Variants in EPHB1 observed in about 807,000 individuals in gnomAD.
The protein encoded by EPHB1 is EPH receptor B1.
A neutral mutation model predicts 94.4 loss-of-function variants in EPHB1; 30 were observed. The observed-to-expected ratio is 0.32, with a 90% CI of 0.24 to 0.43. EPHB1 has a LOEUF of 0.43. EPHB1 is among the 20% of genes least tolerant of loss of function. The probability of loss-of-function intolerance (pLI) is 1.00; values close to 1 mark genes in which losing one functional copy is unlikely to be tolerated. For missense variants in EPHB1, 1,055 were observed against 1,308.3 expected, an observed-to-expected ratio of 0.81 and a Z score of 2.99; for synonymous variants, 522 against 489.1, an observed-to-expected ratio of 1.07 and a Z score of -0.89.
chr3:134,833,293 C>G (rs1241884537), intron 1 of EPHB1, among the ~76,000 whole-genome samples: 1 of 152,204 alleles, frequency 6.6e-6, no homozygotes, highest in Admixed American at 6.5e-5. Flanking sequence ...TCCCCAGGCC[C>G]TCTGCTTTGA....
At position 135,143,207 on chromosome 3, in the gene EPHB1, C is replaced by T. The variant is rs1176491373; in HGVS notation, c.1297+10158C>T. 2.0e-5 allele frequency among the ~76,000 whole-genome samples: 3 copies of T among 152,030 alleles called. No homozygotes were observed. In the East Asian group the frequency reaches 5.8e-4, roughly 29 times the overall value. ...CAGTAGTCAGTGGGAAAGTCAGAATCAAGAAGAGGCCCACAACTCCATGGG... is the reference window on the plus strand; with the variant it reads ...CAGTAGTCAGTGGGAAAGTCAGAATTAAGAAGAGGCCCACAACTCCATGGG... On this transcript the variant is annotated intron_variant, in intron 5 of 15. Coordinates refer to ENST00000398015, the MANE Select transcript of EPHB1 (RefSeq NM_004441.5).
At chr3:135,147,314 C>A (rs956903978) in intron 5 of EPHB1, among the ~76,000 whole-genome samples, 1 of 152,208 alleles carries the variant, frequency 6.6e-6, no homozygotes, top group Non-Finnish European at 1.5e-5. Context: ...TTAGTATTAC[C>A]ATATGATCCA....
chr3:134,958,413 A>AGTGTGTGTGTGTGTGT (rs3067407), intron 3 of EPHB1, among the ~76,000 whole-genome samples: 158 of 97,728 alleles, frequency 1.6e-3, no homozygotes, highest in East Asian at 5.1e-3. Context: ...AACACAAGGG[A>AGTGTGTGTGTGTGTGT]GTGTGTGTGT....
rs978001740 is a variant in EPHB1, at chr3:135,162,310, G to A, written c.1585+130G>A. On this transcript the variant is annotated intron_variant, in intron 7 of 15. Coordinates refer to ENST00000398015, the MANE Select transcript of EPHB1 (RefSeq NM_004441.5). The stretch of plus-strand genomic sequence containing the variant: ...ATTCCAGTGGAATTCCCTTCAAACG[G>A]TTTGCCTCCCAGTAGGGCCATGTAG... 6 of 1,103,242 alleles carry A rather than the reference G, an allele frequency of 5.4e-6. No homozygotes were observed. In the Admixed American group the frequency reaches 1.9e-4, roughly 35 times the overall value. The allele number at this position is 1,103,242 out of a possible 1,614,324, so 68.3% of individuals were successfully genotyped here.
At chr3:134,894,714 C>T (rs1348829028) in intron 1 of EPHB1, among the ~76,000 whole-genome samples, 1 of 152,226 alleles carries the variant, frequency 6.6e-6, no homozygotes, top group Non-Finnish European at 1.5e-5. Context: ...TTCAACATCA[C>T]TACTTAGTTG....
At chr3:134,864,510 TG>T (rs150860129) in intron 1 of EPHB1, among the ~76,000 whole-genome samples, 1,676 of 152,344 alleles carry the variant, frequency 0.011, 26 homozygotes, top group African/African-American at 0.039. Flanking sequence ...TGTTTTGCCC[TG>T]TCTCCCTCCC....
At chr3:134,859,460 G>C (rs1469188739) in intron 1 of EPHB1, among the ~76,000 whole-genome samples, 1 of 152,200 alleles carries the variant, frequency 6.6e-6, no homozygotes, top group Non-Finnish European at 1.5e-5. Flanking sequence ...TCTGGGTCCT[G>C]ATCTGGGTCC....
intron 3 of EPHB1, among the ~76,000 whole-genome samples, chr3:135,104,595 C>A (rs570659140): frequency 6.7e-4 from 102 of 152,276 alleles, no homozygotes; most frequent in Admixed American, 2.0e-3. Context: ...CAAAGTAAGG[C>A]TTCTTGGTGA....
At position 135,166,050 on chromosome 3, in the gene EPHB1, GGT is replaced by G. The variant is rs1369859388; in HGVS notation, c.1670_1671del (p.Val557GlyfsTer7). ...AAGVVFVVSL[V>X]AISIVCSRKR... ...CCGGGGTCGTGTTCGTTGTGTCCTTGGTGGCCATCTCTATCGTCTGTAGCAGG... is the reference window on the plus strand; with the variant it reads ...CCGGGGTCGTGTTCGTTGTGTCCTTGGGCCATCTCTATCGTCTGTAGCAGG... On this transcript the variant is annotated frameshift_variant, in exon 8 of 16. Transcript: ENST00000398015. LOFTEE classifies it high-confidence loss of function. 6.2e-7 allele frequency: 1 copy of G among 1,613,826 alleles called. No individual in the cohort carries two copies. The highest frequency in any genetic ancestry group is 8.5e-7 in the Non-Finnish European group (1 of 1,179,824).
At chr3:134,948,710 G>C (rs1202727243) in intron 2 of EPHB1, among the ~76,000 whole-genome samples, 7 of 152,250 alleles carry the variant, frequency 4.6e-5, no homozygotes, top group Admixed American at 4.6e-4. Context: ...CTGGGCACAA[G>C]GCATGCTGTG....
chr3:134,905,568 G>A (rs72986023), intron 1 of EPHB1, among the ~76,000 whole-genome samples: 1,537 of 152,342 alleles, frequency 0.01, 24 homozygotes, highest in African/African-American at 0.035. Context: ...GTGCAATGGA[G>A]TGGAAGCCTA....
At chr3:134,976,731 T>C (rs1934206435) in intron 3 of EPHB1, among the ~76,000 whole-genome samples, 1 of 152,050 alleles carries the variant, frequency 6.6e-6, no homozygotes, top group Non-Finnish European at 1.5e-5. Context: ...GCAGTGCTTA[T>C]GGGGTTAAAA....
intron 3 of EPHB1, among the ~76,000 whole-genome samples, chr3:135,100,182 C>CT (rs1938981797): frequency 6.6e-6 from 1 of 152,184 alleles, no homozygotes; most frequent in South Asian, 2.1e-4. Flanking sequence ...GACTTCCTCC[C>CT]TGCGGTGTAG....
intron 2 of EPHB1, among the ~76,000 whole-genome samples, chr3:134,935,544 T>C (rs2038985209): frequency 6.6e-6 from 1 of 152,226 alleles, no homozygotes; most frequent in Admixed American, 6.5e-5. Context: ...TTTAAGTCCA[T>C]ATGCTGCCTT....
intron 3 of EPHB1, among the ~76,000 whole-genome samples, chr3:134,963,135 C>CTCCTTCCTTCCTTCCT (rs59384593): frequency 0.02 from 2,751 of 137,002 alleles, 36 homozygotes; most frequent in Non-Finnish European, 0.025. Flanking sequence ...CCTTCTCTTG[C>CTCCTTCCTTCCTTCCT]TCCTTCCTTC....
intron 3 of EPHB1, among the ~76,000 whole-genome samples, chr3:134,973,966 A>T (rs991100350): frequency 1.1e-4 from 17 of 152,174 alleles, no homozygotes; most frequent in African/African-American, 4.1e-4. Context: ...CAAGAGGAGC[A>T]TGTCTGCAGG....
At chr3:135,257,534 G>A (rs981708229) in intron 15 of EPHB1, among the ~76,000 whole-genome samples, 2 of 152,086 alleles carry the variant, frequency 1.3e-5, no homozygotes, top group Non-Finnish European at 2.9e-5. Flanking sequence ...TGCTGGGGGG[G>A]TCAGGGGTCA....
At chr3:135,119,898 C>T (rs1939880804) in intron 4 of EPHB1, among the ~76,000 whole-genome samples, 1 of 152,146 alleles carries the variant, frequency 6.6e-6, no homozygotes, top group Non-Finnish European at 1.5e-5. Flanking sequence ...GAATTGTCCA[C>T]ATTTTGGTGA....
intron 5 of EPHB1, among the ~76,000 whole-genome samples, chr3:135,139,337 C>G (rs762015925): frequency 1.3e-5 from 2 of 152,212 alleles, no homozygotes; most frequent in Non-Finnish European, 2.9e-5. Context: ...GACTCAACCA[C>G]TCTCAAAGGG....
Sources: gnomAD v4.1 joint callset for allele counts (sites outside exome capture counted in the v4.1 genomes callset) on GRCh38, gnomAD v4.1.1 for gene constraint, MANE v1.5 for transcripts, NCBI Gene and HGNC (gene_info 2026-07-23, HGNC 2026-07-21) for gene names.